The following COA4 variants were observed in gnomAD, a reference collection of about 807,000 sequenced individuals.
COA4 encodes cytochrome c oxidase assembly factor 4 homolog, mitochondrial.
A neutral mutation model predicts 7.3 loss-of-function variants in COA4; 8 were observed. That is an observed-to-expected ratio of 1.10 (90% CI 0.64 to 1.98). The LOEUF (loss-of-function observed/expected upper bound fraction) is 1.98, where lower values mean the gene tolerates loss of function less well. Among genes scored for constraint, COA4 ranks in the 30% most tolerant of loss-of-function variants. The probability of loss-of-function intolerance (pLI) is 0.00; values close to 1 mark genes in which losing one functional copy is unlikely to be tolerated. For missense variants in COA4, 96 were observed against 111.2 expected (o/e 0.86, Z 0.62); for synonymous variants, 42 against 44.3 (o/e 0.95, Z 0.21).
At position 73,873,053 on chromosome 11, in the gene COA4, T is replaced by C; in HGVS notation, c.*62A>G. On this transcript the variant is annotated 3_prime_UTR_variant, in exon 2 of 2. Coordinates refer to ENST00000355693, the MANE Select transcript of COA4 (RefSeq NM_016565.3). The stretch of plus-strand genomic sequence containing the variant: ...CACCAGCATTTAGGATTTCTTCCTC[T>C]ATAATCTTGCTGGGTGCTGGTCTTG... 1 of 1,521,268 alleles carries C rather than the reference T, an allele frequency of 6.6e-7. No homozygotes were observed. Among genetic ancestry groups the C allele is most frequent in the Non-Finnish European group, 8.8e-7 (1 of 1,135,304 alleles). 94.2% of individuals were successfully genotyped at this position (1,521,268 alleles called of 1,614,324 possible). A position where few individuals can be genotyped will look rare whatever the true frequency, so the allele number is the denominator to read the frequency against.
rs1591026346 is a variant in COA4, at chr11:73,876,810, T to G, written c.-70A>C. The G allele has an allele frequency of 2.3e-6, 1 of 433,964 alleles. No homozygotes were observed. The highest frequency in any genetic ancestry group is 3.9e-6 in the Non-Finnish European group (1 of 254,748). The allele number at this position is 433,964 out of a possible 1,614,324, so 26.9% of individuals were successfully genotyped here. A position where few individuals can be genotyped will look rare whatever the true frequency, so the allele number is the denominator to read the frequency against. ...GCACGCTCCTACGCGGCGGCTTGGG[T>G]TTCGCAGGCGGTTGGGGATCCTCTG... On this transcript the variant is annotated 5_prime_UTR_variant, in exon 1 of 2. Coordinates refer to ENST00000355693, the MANE Select transcript of COA4 (RefSeq NM_016565.3).
At position 73,876,790 on chromosome 11, in the gene COA4, C is replaced by T; in HGVS notation, c.-50G>A. 1 of 408,636 alleles carries T rather than the reference C, an allele frequency of 2.4e-6. No homozygotes were observed. The highest frequency in any genetic ancestry group is 4.3e-6 in the Non-Finnish European group (1 of 231,168). 25.3% of individuals were successfully genotyped at this position (408,636 alleles called of 1,614,324 possible). ...TGGGAGAAGAGGGCCCGAACGCACG[C>T]TCCTACGCGGCGGCTTGGGTTTCGC... On this transcript the variant is annotated 5_prime_UTR_variant, in exon 1 of 2. Transcript: ENST00000355693.
Position 73,876,828 on chromosome 11 carries a change from A to C in COA4, c.-88T>G. On this transcript the variant is annotated 5_prime_UTR_variant, in exon 1 of 2. Transcript: ENST00000355693. ...GCTTGGGTTTCGCAGGCGGTTGGGGATCCTCTGTACATCCTTTCAGGAACC... is the reference window on the plus strand; with the variant it reads ...GCTTGGGTTTCGCAGGCGGTTGGGGCTCCTCTGTACATCCTTTCAGGAACC... 1 of 501,244 alleles carries C rather than the reference A, an allele frequency of 2.0e-6. No homozygotes were observed. The allele number at this position is 501,244 out of a possible 1,614,324, so 31.0% of individuals were successfully genotyped here.
Position 73,873,071 on chromosome 11 carries a change from T to A in COA4, c.*44A>T. On this transcript the variant is annotated 3_prime_UTR_variant, in exon 2 of 2. Transcript: ENST00000355693. ...CTTCCTCTATAATCTTGCTGGGTGC[T>A]GGTCTTGGCAGGGCCATCTACTGGG... The A allele has an allele frequency of 6.5e-7, 1 of 1,546,804 alleles. No individual in the cohort carries two copies. The highest frequency in any genetic ancestry group is 8.7e-7 in the Non-Finnish European group (1 of 1,145,176).
At chr11:73,876,022 G>A (rs1948739887) in intron 1 of COA4, 1 of 152,092 alleles carries the variant, frequency 6.6e-6, no homozygotes, top group Non-Finnish European at 1.5e-5. Flanking sequence ...TCCCAACACT[G>A]GGAGGCTGAG....
intron 1 of COA4, chr11:73,876,296 C>T (rs1948745191): frequency 6.6e-6 from 1 of 152,196 alleles, no homozygotes; most frequent in Non-Finnish European, 1.5e-5. Context: ...GTGCCTTGAT[C>T]CTAAACCAAG....
intron 1 of COA4, 139 bp from the exon 2 acceptor site, chr11:73,873,533 C>CTTTT: frequency 5.6e-6 from 3 of 538,976 alleles, no homozygotes; most frequent in Non-Finnish European, 9.0e-6. Context: ...AAGACAGATG[C>CTTTT]TTGTTTTTTT....
Position 73,873,169 on chromosome 11 carries a change from C to G in COA4, c.210G>C (p.Ala70=), listed in dbSNP as rs200528812. Residue 70 remains alanine (A), a synonymous_variant, in exon 2 of 2, where the codon GCG becomes GCC. Coordinates refer to ENST00000355693, the MANE Select transcript of COA4 (RefSeq NM_016565.3). The part of the protein sequence containing the change: ...AFKDCMSEQQ[A]RRQEELQRRQ... ...TCCTCTGCAGCTCCTCTTGCCGCCTCGCCTGCTGTTCACTCATGCAATCCT... is the reference window on the plus strand; with the variant it reads ...TCCTCTGCAGCTCCTCTTGCCGCCTGGCCTGCTGTTCACTCATGCAATCCT... The G allele has an allele frequency of 1.2e-6, 2 of 1,613,884 alleles. No homozygotes were observed. The highest frequency in any genetic ancestry group is 1.7e-6 in the Non-Finnish European group (2 of 1,179,896).
chr11:73,876,686 G>C (rs1223521509), intron 1 of COA4, 71 bp downstream of exon 1: 2 of 228,382 alleles, frequency 8.8e-6, no homozygotes, highest in East Asian at 8.1e-5. Context: ...ACGCATGCGC[G>C]CGCGCGGCCG....
At chr11:73,875,138 T>C (rs896401297) in intron 1 of COA4, among the ~76,000 whole-genome samples, 6 of 152,200 alleles carry the variant, frequency 3.9e-5, no homozygotes, top group Non-Finnish European at 1.5e-5. Flanking sequence ...TTGTAAACTA[T>C]ACAAAAATGT....
chr11:73,874,721 C>G (rs570937386), intron 1 of COA4, among the ~76,000 whole-genome samples: 3 of 152,272 alleles, frequency 2.0e-5, no homozygotes, highest in African/African-American at 7.2e-5. Flanking sequence ...GGTGCAGTGG[C>G]TCACACATGT....
At position 73,873,379 on chromosome 11, in the gene COA4, C is replaced by T; in HGVS notation, c.-1G>A. ...GGCCTTGAGGGACTGAGGTTGACAT[C>T]CTGGGGATGGGGAGTCTATAGAACA... On this transcript the variant is annotated 5_prime_UTR_variant, in exon 2 of 2. Coordinates refer to ENST00000355693, the MANE Select transcript of COA4 (RefSeq NM_016565.3). 1 of 1,613,976 alleles carries T rather than the reference C, an allele frequency of 6.2e-7. No individual in the cohort carries two copies. Among genetic ancestry groups the T allele is most frequent in the Non-Finnish European group, 8.5e-7 (1 of 1,179,938 alleles).
chr11:73,872,958 G>T lies in COA4; in HGVS notation c.*157C>A. 1 of 820,002 alleles carries T rather than the reference G, an allele frequency of 1.2e-6. No individual in the cohort carries two copies. The highest frequency in any genetic ancestry group is 1.9e-6 in the Non-Finnish European group (1 of 535,908). The allele number at this position is 820,002 out of a possible 1,614,324, so 50.8% of individuals were successfully genotyped here. The stretch of plus-strand genomic sequence containing the variant: ...CCATGAACATATGACAGCTGTTTGT[G>T]CCAGTCATGTCCAAACCCATGGCTC... On this transcript the variant is annotated 3_prime_UTR_variant, in exon 2 of 2. Transcript: ENST00000355693.
intron 1 of COA4, chr11:73,876,415 C>T (rs1565119962): frequency 6.6e-6 from 1 of 152,148 alleles, no homozygotes. Flanking sequence ...ATTAATATAA[C>T]GAATGAAAAG....
At chr11:73,873,562 G>C in intron 1 of COA4, 168 bp from the exon 2 acceptor site, 2 of 607,948 alleles carry the variant, frequency 3.3e-6, no homozygotes, top group South Asian at 4.4e-5. Context: ...TTTTGAGGGT[G>C]TCTTGCTTTG....
At position 73,876,746 on chromosome 11, in the gene COA4, G is replaced by A. The variant is rs756965775; in HGVS notation, c.-17+11C>T. On this transcript the variant is annotated intron_variant, in intron 1 of 1. Coordinates refer to ENST00000355693, the MANE Select transcript of COA4 (RefSeq NM_016565.3). Reference sequence around the variant, plus strand: ...CAACGCCTCCTGAAGAACGCGGTACGCGATGCTCACCGAACAGGTGGGAGA... The same window carrying A: ...CAACGCCTCCTGAAGAACGCGGTACACGATGCTCACCGAACAGGTGGGAGA... The A allele has an allele frequency of 1.5e-4, 49 of 328,516 alleles. No homozygotes were observed. Among genetic ancestry groups the A allele is most frequent in the Admixed American group, 1.2e-3 (24 of 20,262 alleles). The allele number at this position is 328,516 out of a possible 1,614,324, so 20.4% of individuals were successfully genotyped here. A position where few individuals can be genotyped will look rare whatever the true frequency, so the allele number is the denominator to read the frequency against.
intron 1 of COA4, among the ~76,000 whole-genome samples, chr11:73,874,224 G>A (rs1948718232): frequency 6.6e-6 from 1 of 152,134 alleles, no homozygotes; most frequent in Non-Finnish European, 1.5e-5. Flanking sequence ...GAGGCAGTCG[G>A]ATCACCTGAG....
chr11:73,872,763 C>A lies in COA4; in HGVS notation c.*352G>T, dbSNP rs976681071. 5.4e-5 allele frequency: 12 copies of A among 222,266 alleles called. No homozygotes were observed. Among genetic ancestry groups the A allele is most frequent in the Middle Eastern group, 3.3e-3 (2 of 610 alleles). 13.8% of individuals were successfully genotyped at this position (222,266 alleles called of 1,614,324 possible). Reference sequence around the variant, plus strand: ...AAGAGAAAGGCACTAATTAGGTAATCAATTTACCATTAGATTGTAAATTTA... The same window carrying A: ...AAGAGAAAGGCACTAATTAGGTAATAAATTTACCATTAGATTGTAAATTTA... On this transcript the variant is annotated 3_prime_UTR_variant, in exon 2 of 2. Coordinates refer to ENST00000355693, the MANE Select transcript of COA4 (RefSeq NM_016565.3).
chr11:73,876,772 A>C lies in COA4; in HGVS notation c.-32T>G, dbSNP rs1385498257. The C allele has an allele frequency of 1.6e-5, 6 of 369,598 alleles. No individual in the cohort carries two copies. Among genetic ancestry groups the C allele is most frequent in the Non-Finnish European group, 2.9e-5 (6 of 206,110 alleles). 22.9% of individuals were successfully genotyped at this position (369,598 alleles called of 1,614,324 possible). On this transcript the variant is annotated 5_prime_UTR_variant, in exon 1 of 2. Transcript: ENST00000355693. ...CGATGCTCACCGAACAGGTGGGAGA[A>C]GAGGGCCCGAACGCACGCTCCTACG...
Sources: gnomAD v4.1 joint callset for allele counts (sites outside exome capture counted in the v4.1 genomes callset) on GRCh38, gnomAD v4.1.1 for gene constraint, MANE v1.5 for transcripts, NCBI Gene and HGNC (gene_info 2026-07-23, HGNC 2026-07-21) for gene names.